NTNG1: variants seen among roughly 807,000 people sequenced by gnomAD.
The protein encoded by NTNG1 is netrin G1.
A neutral mutation model predicts 54.0 loss-of-function variants in NTNG1; 16 were observed. The observed-to-expected ratio is 0.30, with a 90% CI of 0.20 to 0.45. NTNG1 has a LOEUF of 0.45. Among genes scored for constraint, NTNG1 ranks in the 20% least tolerant of loss-of-function variants. NTNG1 has a pLI of 1.00. For missense variants in NTNG1, 530 were observed against 678.7 expected (o/e 0.78, Z 2.43); for synonymous variants, 255 against 263.1 (o/e 0.97, Z 0.30).
intron 2 of NTNG1, among the ~76,000 whole-genome samples, chr1:107,284,785 C>T (rs1665088613): frequency 6.6e-6 from 1 of 151,892 alleles, no homozygotes; most frequent in Non-Finnish European, 1.5e-5. Context: ...TTTGCATATT[C>T]CAAGTTTACT....
At chr1:107,407,954 A>G in intron 5 of NTNG1, 1 of 695,908 alleles carries the variant, frequency 1.4e-6, no homozygotes, top group Non-Finnish European at 2.7e-6. Flanking sequence ...TTAACCAGTG[A>G]GGGCTACCTA....
At chr1:107,243,624 C>T (rs1010804256) in intron 2 of NTNG1, among the ~76,000 whole-genome samples, 8 of 151,836 alleles carry the variant, frequency 5.3e-5, no homozygotes, top group Non-Finnish European at 1.2e-4. Flanking sequence ...CAGCTGTTCA[C>T]AGGCACGGTC....
At chr1:107,158,278 T>C (rs1655147313) in intron 2 of NTNG1, among the ~76,000 whole-genome samples, 1 of 152,150 alleles carries the variant, frequency 6.6e-6, no homozygotes, top group Non-Finnish European at 1.5e-5. Context: ...ATGAAATTTG[T>C]TTCATAAGCA....
At chr1:107,278,751 T>C (rs928291130) in intron 2 of NTNG1, among the ~76,000 whole-genome samples, 3 of 152,126 alleles carry the variant, frequency 2.0e-5, no homozygotes, top group Non-Finnish European at 4.4e-5. Flanking sequence ...TGTTTGATGA[T>C]TGTTGTATTA....
chr1:107,399,028 A>G (rs1672858317), intron 4 of NTNG1, among the ~76,000 whole-genome samples: 2 of 152,158 alleles, frequency 1.3e-5, no homozygotes, highest in Non-Finnish European at 1.5e-5. Context: ...CAAATATAAT[A>G]TTATACCTAT....
chr1:107,243,798 T>G (rs895401272), intron 2 of NTNG1, among the ~76,000 whole-genome samples: 1 of 151,996 alleles, frequency 6.6e-6, no homozygotes, highest in Non-Finnish European at 1.5e-5. Flanking sequence ...AATATATGAC[T>G]CTGCACTCGA....
At chr1:107,391,166 G>C (rs1672333389) in intron 3 of NTNG1, among the ~76,000 whole-genome samples, 1 of 152,246 alleles carries the variant, frequency 6.6e-6, no homozygotes, top group African/African-American at 2.4e-5. Context: ...TAAGTGTAGA[G>C]TTAGGAGTGG....
intron 2 of NTNG1, among the ~76,000 whole-genome samples, chr1:107,297,164 TATATAACATC>T (rs1008846906): frequency 8.4e-5 from 12 of 143,246 alleles, no homozygotes; most frequent in East Asian, 2.0e-4. Flanking sequence ...TAACATCATA[TATATAACATC>T]ATATAACATC....
At chr1:107,407,965 G>A (rs1673557123) in intron 5 of NTNG1, 12 of 684,142 alleles carry the variant, frequency 1.8e-5, no homozygotes, top group South Asian at 1.7e-4. Context: ...GGGCTACCTA[G>A]ACTCAGGTGC....
intron 2 of NTNG1, among the ~76,000 whole-genome samples, chr1:107,170,927 T>C (rs1656171033): frequency 6.6e-6 from 1 of 152,128 alleles, no homozygotes; most frequent in African/African-American, 2.4e-5. Flanking sequence ...CTTCATATCT[T>C]AATAATGGGA....
intron 3 of NTNG1, among the ~76,000 whole-genome samples, chr1:107,356,343 G>A (rs1256597931): frequency 2.6e-5 from 4 of 151,956 alleles, no homozygotes; most frequent in African/African-American, 4.8e-5. Flanking sequence ...ACCCAGCCTG[G>A]AGTGCAGTGG....
intron 4 of NTNG1, 22 bp downstream of exon 4, chr1:107,395,348 C>T: frequency 1.2e-6 from 2 of 1,602,440 alleles, no homozygotes; most frequent in Non-Finnish European, 1.7e-6. Context: ...TGCTTGGTAA[C>T]AGCATATTCT....
At chr1:107,170,164 C>G (rs960740853) in intron 2 of NTNG1, among the ~76,000 whole-genome samples, 4 of 152,002 alleles carry the variant, frequency 2.6e-5, no homozygotes, top group South Asian at 2.1e-4. Flanking sequence ...GTTGATGCAT[C>G]AAAAAGACCA....
At chr1:107,312,017 A>G (rs531322561) in intron 2 of NTNG1, among the ~76,000 whole-genome samples, 11 of 152,314 alleles carry the variant, frequency 7.2e-5, no homozygotes, top group Non-Finnish European at 1.6e-4. Context: ...AAATCCATTC[A>G]ATAGCTTTAA....
At chr1:107,271,334 TCA>T (rs1664132415) in intron 2 of NTNG1, among the ~76,000 whole-genome samples, 2 of 152,166 alleles carry the variant, frequency 1.3e-5, no homozygotes, top group Non-Finnish European at 2.9e-5. Context: ...AGAATTATAA[TCA>T]CACAAACCAG....
intron 3 of NTNG1, among the ~76,000 whole-genome samples, chr1:107,370,045 C>T (rs1391014899): frequency 6.6e-6 from 1 of 151,850 alleles, no homozygotes; most frequent in African/African-American, 2.4e-5. Flanking sequence ...ATATGCGTGG[C>T]CTATTTCTGG....
chr1:107,447,342 A>G (rs567281026), intron 7 of NTNG1, among the ~76,000 whole-genome samples: 1 of 152,220 alleles, frequency 6.6e-6, no homozygotes, highest in African/African-American at 2.4e-5. Flanking sequence ...AGAGCTTGTT[A>G]TCAGGATAAC....
At chr1:107,207,440 C>T (rs1178329200) in intron 2 of NTNG1, among the ~76,000 whole-genome samples, 1 of 152,208 alleles carries the variant, frequency 6.6e-6, no homozygotes, top group Middle Eastern at 3.2e-3. Flanking sequence ...GGTGATGGCA[C>T]AAAGCCAGTT....
intron 2 of NTNG1, among the ~76,000 whole-genome samples, chr1:107,204,959 T>G (rs980668974): frequency 6.6e-6 from 1 of 152,066 alleles, no homozygotes; most frequent in African/African-American, 2.4e-5. Flanking sequence ...AGCATCTTGG[T>G]CCAGTTCCTC....
Sources: gnomAD v4.1 joint callset for allele counts (sites outside exome capture counted in the v4.1 genomes callset) on GRCh38, gnomAD v4.1.1 for gene constraint, MANE v1.5 for transcripts, NCBI Gene and HGNC (gene_info 2026-07-23, HGNC 2026-07-21) for gene names.